PCBP3: variants seen among roughly 807,000 people sequenced by gnomAD.
PCBP3 encodes the protein poly(rC) binding protein 3, also known as poly(rC)-binding protein 3.
PCBP3 carries 25 observed loss-of-function variants against 52.7 expected under a neutral mutation model. The observed-to-expected ratio is 0.47, with a 90% CI of 0.35 to 0.66. The LOEUF (loss-of-function observed/expected upper bound fraction) is 0.66, where lower values mean the gene tolerates loss of function less well. Ranked by LOEUF, PCBP3 falls within the 30% of genes least tolerant of loss-of-function variation. PCBP3 has a pLI of 0.01. For missense variants in PCBP3, 391 were observed against 490.3 expected (o/e 0.80, Z 1.91); for synonymous variants, 162 against 183.0 (o/e 0.89, Z 0.93).
rs562823042 is a variant in PCBP3, at chr21:45,865,866, C to T, written c.10+15771C>T. Among the ~76,000 whole-genome samples the T allele has an allele frequency of 2.8e-4, 42 of 152,330 alleles. No individual in the cohort carries two copies. The South Asian group carries it at 8.7e-3, about 32-fold the overall frequency. ...CAGGCGGGCTCAGGGTGTGCACCCC[C>T]CACAGCCGGAGCCTCCCAAAGAAAC... On this transcript the variant is annotated intron_variant, in intron 5 of 17. Transcript: ENST00000681687.
chr21:45,765,433 A>AG (rs2089215451), intron 4 of PCBP3, among the ~76,000 whole-genome samples: 1 of 152,250 alleles, frequency 6.6e-6, no homozygotes, highest in South Asian at 2.1e-4. Context: ...ATAGGAGGAC[A>AG]GCTCAAATAG....
intron 4 of PCBP3, among the ~76,000 whole-genome samples, chr21:45,781,962 A>G (rs956542503): frequency 1.3e-5 from 2 of 152,224 alleles, no homozygotes; most frequent in Non-Finnish European, 2.9e-5. Flanking sequence ...TGGTCTGGCT[A>G]TTCTTACTCA....
intron 2 of PCBP3, among the ~76,000 whole-genome samples, chr21:45,672,669 A>G (rs930113895): frequency 2.6e-5 from 4 of 152,070 alleles, no homozygotes; most frequent in South Asian, 2.1e-4. Context: ...ACATAATACA[A>G]TAGTCATGGG....
In PCBP3 at chr21:45,749,867, C is replaced by T. The variant is rs547501237; in HGVS notation, c.-161-5550C>T. ...AGTAATGTCTTTTATATTATTTTCC[C>T]TCCAGCACAGGATGTGGTCTGGGAT... On this transcript the variant is annotated intron_variant, in intron 3 of 17. Transcript: ENST00000681687. 2.0e-5 allele frequency: 3 copies of T among 152,356 alleles called. No individual in the cohort carries two copies. The South Asian group carries it at 6.2e-4, about 32-fold the overall frequency. 9.4% of individuals were successfully genotyped at this position (152,356 alleles called of 1,614,324 possible).
rs530748126 is a variant in PCBP3, at chr21:45,741,381, C to A, written c.-162+5952C>A. On this transcript the variant is annotated intron_variant, in intron 3 of 17. Transcript: ENST00000681687. The surrounding 1 kb of genome is among the most constrained non-coding windows in gnomAD (Gnocchi z 4.5). The stretch of plus-strand genomic sequence containing the variant: ...GTGTGGGTACCAGGTGCACAGCCAG[C>A]GAGGGGAGTCCTGGAAAGTGGGGAG... Among the ~76,000 whole-genome samples the A allele has an allele frequency of 6.6e-6, 1 of 151,982 alleles. No homozygotes were observed. The highest frequency in any genetic ancestry group is 2.4e-5 in the African/African-American group (1 of 41,368).
At chr21:45,850,890 T>G (rs2093970292) in intron 5 of PCBP3, among the ~76,000 whole-genome samples, 1 of 152,184 alleles carries the variant, frequency 6.6e-6, no homozygotes. Flanking sequence ...AGTAAAGGAA[T>G]AGCTTACATA....
intron 5 of PCBP3, among the ~76,000 whole-genome samples, chr21:45,877,781 G>A (rs558910441): frequency 2.6e-5 from 4 of 151,556 alleles, no homozygotes; most frequent in Non-Finnish European, 5.9e-5. Context: ...GGCAACAGGA[G>A]TGAAACTCCG....
Position 45,741,787 on chromosome 21 carries a change from C to T in PCBP3, c.-162+6358C>T, listed in dbSNP as rs2086471364. 1.3e-5 allele frequency among the ~76,000 whole-genome samples: 2 copies of T among 152,276 alleles called. No individual in the cohort carries two copies. Among genetic ancestry groups the T allele is most frequent in the African/African-American group, 4.8e-5 (2 of 41,570 alleles). ...CCAGGGCAGACTTCCACTGCCCTTG[C>T]CCTCTGGTCCTCTCCACTTCAGAGG... is the stretch of plus-strand genomic sequence containing the variant. On this transcript the variant is annotated intron_variant, in intron 3 of 17. Coordinates refer to ENST00000681687, the MANE Select transcript of PCBP3 (RefSeq NM_001384156.1). The surrounding 1 kb of genome is among the most constrained non-coding windows in gnomAD (Gnocchi z 4.5).
At chr21:45,764,162 G>C (rs970535411) in intron 4 of PCBP3, among the ~76,000 whole-genome samples, 14 of 120,036 alleles carry the variant, frequency 1.2e-4, no homozygotes. Context: ...TGCTCTTGTT[G>C]CCTGGGCTGG....
intron 4 of PCBP3, among the ~76,000 whole-genome samples, chr21:45,814,826 G>A (rs2092816675): frequency 8.3e-6 from 1 of 120,962 alleles, no homozygotes; most frequent in Non-Finnish European, 1.7e-5. Context: ...GGTGAGTGGT[G>A]AGTGAGTGGT....
At chr21:45,707,635 G>A (rs1169316818) in intron 2 of PCBP3, among the ~76,000 whole-genome samples, 3 of 152,196 alleles carry the variant, frequency 2.0e-5, no homozygotes, top group African/African-American at 7.2e-5. Flanking sequence ...TGAGGCTTTG[G>A]GCCATCATTG....
At chr21:45,918,276 C>G (rs2073833856) in intron 13 of PCBP3, 1 of 155,854 alleles carries the variant, frequency 6.4e-6, no homozygotes, top group Non-Finnish European at 1.4e-5. Context: ...TCTGCTCCTG[C>G]TGGGTCTAGG....
intron 2 of PCBP3, among the ~76,000 whole-genome samples, chr21:45,682,733 A>C (rs972187957): frequency 2.0e-5 from 3 of 152,060 alleles, no homozygotes; most frequent in Admixed American, 6.6e-5. Context: ...GATGAGGAGG[A>C]GCAGGCTAGG....
chr21:45,908,624 G>A (rs1019190133), intron 9 of PCBP3, among the ~76,000 whole-genome samples: 7 of 150,864 alleles, frequency 4.6e-5, no homozygotes, highest in African/African-American at 1.5e-4. Context: ...GCTCTGCAGC[G>A]AGCTCCGGAG....
At chr21:45,910,722 G>A (rs906586228) in intron 10 of PCBP3, among the ~76,000 whole-genome samples, 180 bp from the exon 11 acceptor site, 6 of 152,122 alleles carry the variant, frequency 3.9e-5, no homozygotes, top group Admixed American at 6.5e-5. Flanking sequence ...GTGCCAGGCC[G>A]TGGTAGCAGG....
chr21:45,728,503 AT>A (rs1477402863), intron 2 of PCBP3, among the ~76,000 whole-genome samples: 1 of 152,186 alleles, frequency 6.6e-6, no homozygotes, highest in Non-Finnish European at 1.5e-5. Flanking sequence ...GAATTTTGGC[AT>A]CTATATTTCT....
intron 9 of PCBP3, among the ~76,000 whole-genome samples, chr21:45,906,328 G>C (rs1341976028): frequency 6.6e-6 from 1 of 151,060 alleles, no homozygotes; most frequent in African/African-American, 2.4e-5. Context: ...CAGTATCTTG[G>C]TATCTGTACT....
chr21:45,776,542 T>A (rs1418778943), intron 4 of PCBP3, among the ~76,000 whole-genome samples: 1 of 151,580 alleles, frequency 6.6e-6, no homozygotes, highest in Non-Finnish European at 1.5e-5. Context: ...TGAATCTTGA[T>A]GCTCTGGTGT....
intron 5 of PCBP3, chr21:45,893,781 G>A (rs978500786): frequency 9.1e-6 from 9 of 985,392 alleles, no homozygotes; most frequent in Non-Finnish European, 1.1e-5. Flanking sequence ...ACAGTGTGGG[G>A]AGGGGCGGGC....
Sources: gnomAD v4.1 joint callset for allele counts (sites outside exome capture counted in the v4.1 genomes callset) on GRCh38, gnomAD v4.1.1 for gene constraint, Gnocchi (gnomAD v3.1) non-coding constraint, MANE v1.5 for transcripts, NCBI Gene and HGNC (gene_info 2026-07-23, HGNC 2026-07-21) for gene names.